The following CCSER1 variants were observed in gnomAD, a reference collection of about 807,000 sequenced individuals.
CCSER1 encodes the protein coiled-coil serine rich protein 1, also known as serine-rich coiled-coil domain-containing protein 1.
Under a neutral mutation model 82.0 loss-of-function variants are expected in CCSER1, and 41 were observed. The observed-to-expected ratio is 0.50, with a 90% CI of 0.39 to 0.65. The LOEUF is 0.65. CCSER1 is among the 30% of genes least tolerant of loss of function. The probability of loss-of-function intolerance (pLI) is 0.00; values close to 1 mark genes in which losing one functional copy is unlikely to be tolerated. For missense variants in CCSER1, 1,119 were observed against 1,064.2 expected, an observed-to-expected ratio of 1.05 and a Z score of -0.72; for synonymous variants, 414 against 383.9, an observed-to-expected ratio of 1.08 and a Z score of -0.92.
At chr4:90,697,963 A>G (rs966537559) in intron 6 of CCSER1, among the ~76,000 whole-genome samples, 1 of 152,162 alleles carries the variant, frequency 6.6e-6, no homozygotes, top group African/African-American at 2.4e-5. Context: ...GCAAAATGCA[A>G]TTATTACTTA....
intron 7 of CCSER1, among the ~76,000 whole-genome samples, chr4:90,738,207 G>A (rs1025396532): frequency 6.6e-6 from 1 of 152,076 alleles, no homozygotes; most frequent in African/African-American, 2.4e-5. Context: ...GGTATTTATT[G>A]TAGTCTTTGC....
At chr4:90,957,567 AATTATATTATATAATATAT>A in intron 9 of CCSER1, among the ~76,000 whole-genome samples, 1 of 126,778 alleles carries the variant, frequency 7.9e-6, no homozygotes, top group African/African-American at 3.1e-5. Flanking sequence ...TATATTATAT[AATTATATTATATAATATAT>A]TATTATTTAT....
intron 5 of CCSER1, among the ~76,000 whole-genome samples, chr4:90,518,760 A>C (rs1772645871): frequency 6.6e-6 from 1 of 151,950 alleles, no homozygotes; most frequent in African/African-American, 2.4e-5. Flanking sequence ...TGCATTATTA[A>C]TATCTTACTT....
chr4:90,331,930 G>A (rs141345747), intron 3 of CCSER1, among the ~76,000 whole-genome samples: 1 of 151,942 alleles, frequency 6.6e-6, no homozygotes, highest in South Asian at 2.1e-4. Context: ...AGAACTCAGA[G>A]AAGTAAAATG....
chr4:91,316,470 C>T (rs1314590552), intron 10 of CCSER1, among the ~76,000 whole-genome samples: 2 of 151,934 alleles, frequency 1.3e-5, no homozygotes, highest in African/African-American at 2.4e-5. Context: ...TGTAAAATTT[C>T]TCTGATAGAA....
At chr4:90,366,160 A>G (rs1746246184) in intron 3 of CCSER1, among the ~76,000 whole-genome samples, 1 of 152,054 alleles carries the variant, frequency 6.6e-6, no homozygotes. Context: ...CTATCATGAC[A>G]TTATATTCAT....
intron 7 of CCSER1, among the ~76,000 whole-genome samples, chr4:90,763,562 A>G (rs1005319477): frequency 1.3e-5 from 2 of 152,178 alleles, no homozygotes; most frequent in Admixed American, 6.6e-5. Flanking sequence ...CAATGTATCC[A>G]TTGGAAAGTC....
At position 91,601,205 on chromosome 4, in the gene CCSER1, TAATC is replaced by T. The variant is rs1764803172; in HGVS notation, c.*2149_*2152del. On this transcript the variant is annotated 3_prime_UTR_variant, in exon 11 of 11. Coordinates refer to ENST00000509176, the MANE Select transcript of CCSER1 (RefSeq NM_001145065.2). ...ACTTTTGAATTATACTTTATAAAAA[TAATC>T]TATTTATAGAAGATCTGTCATTTAA... 2 of 152,092 alleles carry T rather than the reference TAATC, an allele frequency of 1.3e-5. No individual in the cohort carries two copies. The allele number at this position is 152,092 out of a possible 1,614,324, so 9.4% of individuals were successfully genotyped here.
chr4:90,671,093 G>T (rs972830248), intron 6 of CCSER1, among the ~76,000 whole-genome samples: 1 of 151,974 alleles, frequency 6.6e-6, no homozygotes, highest in African/African-American at 2.4e-5. Flanking sequence ...AGTTCTAATG[G>T]TCACCTGAGC....
intron 10 of CCSER1, among the ~76,000 whole-genome samples, chr4:91,194,203 C>T (rs1190971857): frequency 1.3e-5 from 2 of 152,180 alleles, no homozygotes; most frequent in African/African-American, 4.8e-5. Context: ...CTCCCGACCT[C>T]AGGTGATCTG....
At chr4:90,759,574 T>C (rs1250606593) in intron 7 of CCSER1, among the ~76,000 whole-genome samples, 1 of 152,196 alleles carries the variant, frequency 6.6e-6, no homozygotes, top group East Asian at 1.9e-4. Context: ...TGTTGCACCA[T>C]GGCCAATTTC....
At chr4:90,463,801 C>A (rs1180120816) in intron 4 of CCSER1, among the ~76,000 whole-genome samples, 2 of 151,988 alleles carry the variant, frequency 1.3e-5, no homozygotes, top group African/African-American at 4.8e-5. Flanking sequence ...CTACTCTAGG[C>A]ACCTTCAGTC....
intron 10 of CCSER1, among the ~76,000 whole-genome samples, chr4:91,260,735 G>A (rs1741047229): frequency 6.6e-6 from 1 of 151,694 alleles, no homozygotes. Context: ...CACTTACCTA[G>A]GAAGTTTTTT....
At chr4:91,408,866 A>T (rs1752859682) in intron 10 of CCSER1, among the ~76,000 whole-genome samples, 2 of 152,210 alleles carry the variant, frequency 1.3e-5, no homozygotes, top group Non-Finnish European at 2.9e-5. Flanking sequence ...GATATGATGA[A>T]TTTCAGATGA....
intron 7 of CCSER1, chr4:90,781,388 G>C (rs1232499965): frequency 2.0e-6 from 2 of 985,320 alleles, no homozygotes; most frequent in Non-Finnish European, 2.4e-6. Flanking sequence ...CTGGGGCTTT[G>C]AGCCCCTGTC....
chr4:91,142,165 T>C (rs1254363451), intron 10 of CCSER1, among the ~76,000 whole-genome samples: 1 of 152,116 alleles, frequency 6.6e-6, no homozygotes, highest in Non-Finnish European at 1.5e-5. Flanking sequence ...AATTGAATCA[T>C]GGGGGCAATT....
At chr4:90,950,656 A>T (rs1001103332) in intron 9 of CCSER1, among the ~76,000 whole-genome samples, 1 of 152,120 alleles carries the variant, frequency 6.6e-6, no homozygotes, top group Non-Finnish European at 1.5e-5. Flanking sequence ...GCATACAGTG[A>T]TAACCTTTTT....
At chr4:91,444,168 G>A (rs1421877590) in intron 10 of CCSER1, among the ~76,000 whole-genome samples, 1 of 152,038 alleles carries the variant, frequency 6.6e-6, no homozygotes, top group Non-Finnish European at 1.5e-5. Flanking sequence ...TCTTCAAATG[G>A]CATCTTTTCT....
intron 10 of CCSER1, among the ~76,000 whole-genome samples, chr4:91,376,388 G>C (rs1268154117): frequency 2.0e-5 from 3 of 152,092 alleles, no homozygotes; most frequent in Non-Finnish European, 4.4e-5. Flanking sequence ...GTAACACAAT[G>C]GGAAGTATTC....
Sources: gnomAD v4.1 joint callset for allele counts (sites outside exome capture counted in the v4.1 genomes callset) on GRCh38, gnomAD v4.1.1 for gene constraint, MANE v1.5 for transcripts, NCBI Gene and HGNC (gene_info 2026-07-23, HGNC 2026-07-21) for gene names.